Variants in LAMC3 observed in about 807,000 individuals in gnomAD.
LAMC3 encodes laminin subunit gamma-3.
A neutral mutation model predicts 173.8 loss-of-function variants in LAMC3; 128 were observed. The ratio of observed to expected loss-of-function variants is 0.74; its 90% CI spans 0.64 to 0.85. The LOEUF (loss-of-function observed/expected upper bound fraction) is 0.85, where lower values mean the gene tolerates loss of function less well. LAMC3 is among the 40% of genes least tolerant of loss of function. LAMC3 has a pLI of 0.00. For missense variants in LAMC3, 2,022 were observed against 2,156.0 expected, an observed-to-expected ratio of 0.94 and a Z score of 1.23; for synonymous variants, 897 against 909.1, an observed-to-expected ratio of 0.99 and a Z score of 0.24.
chr9:131,009,622 C>G lies in LAMC3; in HGVS notation c.373+35C>G, dbSNP rs1312333764. 2 of 1,551,750 alleles carry G rather than the reference C, an allele frequency of 1.3e-6. No homozygotes were observed. The highest frequency in any genetic ancestry group is 1.7e-6 in the Non-Finnish European group (2 of 1,150,236). On this transcript the variant is annotated intron_variant, in intron 1 of 27. Coordinates refer to ENST00000361069, the MANE Select transcript of LAMC3 (RefSeq NM_006059.4). This position sits in a 1 kb window ranked among gnomAD's most constrained non-coding sequence, Gnocchi z 4.3. ...GGCTGGGGGCACCGCCACCGCACCC[C>G]GTGTCCCCACTCCACTGGGGGTCTG...
At chr9:131,025,464 G>A (rs371843975) in intron 1 of LAMC3, among the ~76,000 whole-genome samples, 5 of 152,118 alleles carry the variant, frequency 3.3e-5, no homozygotes, top group East Asian at 1.9e-4. Flanking sequence ...GCTGGGTGTC[G>A]GGGGCATGTG....
At position 131,019,051 on chromosome 9, in the gene LAMC3, T is replaced by C. The variant is rs527670158; in HGVS notation, c.374-7234T>C. Among the ~76,000 whole-genome samples the C allele has an allele frequency of 3.3e-5, 5 of 152,268 alleles. No individual in the cohort carries two copies. The South Asian group carries it at 1.0e-3, about 32-fold the overall frequency. ...GCCGAGGCAGGCAAATCACTTGAGG[T>C]CAGGAGTTTGAGACTAGCCTGGCCT... On this transcript the variant is annotated intron_variant, in intron 1 of 27. Coordinates refer to ENST00000361069, the MANE Select transcript of LAMC3 (RefSeq NM_006059.4).
chr9:131,015,421 G>C (rs565178136), intron 1 of LAMC3, among the ~76,000 whole-genome samples: 1 of 152,124 alleles, frequency 6.6e-6, no homozygotes, highest in African/African-American at 2.4e-5. Context: ...TTGTCCCCGG[G>C]CAAGCCCTCC....
chr9:131,064,762 G>A (rs114210578), intron 13 of LAMC3, among the ~76,000 whole-genome samples: 2,898 of 150,278 alleles, frequency 0.019, 81 homozygotes, highest in African/African-American at 0.067. Flanking sequence ...GCAGCCGGGC[G>A]TGGTGGCTTA....
intron 8 of LAMC3, among the ~76,000 whole-genome samples, chr9:131,048,257 A>C (rs951479853): frequency 6.6e-6 from 1 of 151,890 alleles, no homozygotes; most frequent in African/African-American, 2.4e-5. Flanking sequence ...GGGTTTCGCC[A>C]TGTTGGCCAG....
intron 9 of LAMC3, among the ~76,000 whole-genome samples, chr9:131,050,537 G>T (rs1043269271): frequency 6.6e-6 from 1 of 152,168 alleles, no homozygotes; most frequent in Non-Finnish European, 1.5e-5. Context: ...GCTGAGGTTG[G>T]GGGGGATCTT....
At position 131,026,511 on chromosome 9, in the gene LAMC3, G is replaced by A. The variant is rs1554782966; in HGVS notation, c.600G>A (p.Leu200=). ...CTGAGTTCAGCGACATCTCCCCGCT[G>A]AGTGGCGGCAACGTGGCCTTCTCCA... is the stretch of plus-strand genomic sequence containing the variant. ...CTSEFSDISP[L]SGGNVAFSTL... The change falls in exon 2 of 28, where the codon CTG becomes CTA. Residue 200 remains leucine, a synonymous_variant. Transcript: ENST00000361069. The surrounding 1 kb of genome is among the most constrained non-coding windows in gnomAD (Gnocchi z 4.8). 1.2e-6 allele frequency: 2 copies of A among 1,612,724 alleles called. No homozygotes were observed. The highest frequency in any genetic ancestry group is 1.7e-6 in the Non-Finnish European group (2 of 1,179,782).
At chr9:131,053,575 C>CT (rs773513258) in intron 11 of LAMC3, among the ~76,000 whole-genome samples, 19 of 152,308 alleles carry the variant, frequency 1.2e-4, no homozygotes, top group Non-Finnish European at 1.0e-4. Flanking sequence ...AAGCTCACGC[C>CT]TGTAATCCCA....
At chr9:131,067,758 C>A (rs10901340) in intron 14 of LAMC3, among the ~76,000 whole-genome samples, 1 of 152,010 alleles carries the variant, frequency 6.6e-6, no homozygotes, top group East Asian at 1.9e-4. Context: ...GTCACGGGAC[C>A]CAGAGCCATG....
chr9:131,036,230 T>TGTCAGCACAACACCACCGGC lies in LAMC3; in HGVS notation c.875_876insTCAGCACAACACCACCGGCG (p.Thr299AlafsTer116). On this transcript the variant is annotated frameshift_variant, in exon 4 of 28. Coordinates refer to ENST00000361069, the MANE Select transcript of LAMC3 (RefSeq NM_006059.4). LOFTEE classifies it high-confidence loss of function. ...CGTGGCAGGCCAGTTGGCCTGCCGGTGCCAGCACAACACCACCGGCACAGA... is the reference window on the plus strand; with the variant it reads ...CGTGGCAGGCCAGTTGGCCTGCCGGTGTCAGCACAACACCACCGGCGCCAGCACAACACCACCGGCACAGA... The TGTCAGCACAACACCACCGGC allele has an allele frequency of 6.2e-7, 1 of 1,613,060 alleles. No homozygotes were observed. The highest frequency in any genetic ancestry group is 8.5e-7 in the Non-Finnish European group (1 of 1,179,862).
chr9:131,039,852 C>T (rs939261885), intron 6 of LAMC3, among the ~76,000 whole-genome samples: 15 of 151,904 alleles, frequency 9.9e-5, no homozygotes, highest in African/African-American at 3.6e-4. Context: ...CATCTGGGTG[C>T]ACCGAGTTTG....
chr9:131,024,129 C>T (rs1465115897), intron 1 of LAMC3, among the ~76,000 whole-genome samples: 3 of 145,114 alleles, frequency 2.1e-5, no homozygotes, highest in Admixed American at 6.9e-5. Context: ...CCTCTGTTTT[C>T]TTCTAAGAAA....
chr9:131,054,764 AAGAG>A (rs908214207), intron 11 of LAMC3, among the ~76,000 whole-genome samples: 1 of 146,298 alleles, frequency 6.8e-6, no homozygotes, highest in Non-Finnish European at 1.5e-5. Flanking sequence ...AAGAAAAAGA[AAGAG>A]AGAGGGGAAG....
intron 6 of LAMC3, among the ~76,000 whole-genome samples, chr9:131,041,243 T>G (rs1478716122): frequency 5.9e-5 from 9 of 152,178 alleles, no homozygotes; most frequent in African/African-American, 1.7e-4. Flanking sequence ...GATGCATGCC[T>G]GTAGTCCTAA....
chr9:131,061,395 A>G (rs1014362895), intron 13 of LAMC3, among the ~76,000 whole-genome samples, 172 bp downstream of exon 13: 1 of 152,174 alleles, frequency 6.6e-6, no homozygotes, highest in African/African-American at 2.4e-5. Context: ...CCTCAGCCCC[A>G]TAGCCAGAGC....
Position 131,087,712 on chromosome 9 carries a change from T to TG in LAMC3, c.4378-5dup. Reference sequence around the variant, plus strand: ...TCAAGCTGTTTCTTCCTCCTCCCCCTGAAAGGTGGGTGCTGGGCTGAGCGA... The same window carrying TG: ...TCAAGCTGTTTCTTCCTCCTCCCCCTGGAAAGGTGGGTGCTGGGCTGAGCGA... On this transcript the variant is annotated splice_region_variant and splice_polypyrimidine_tract_variant and intron_variant, in intron 26 of 27. Coordinates refer to ENST00000361069, the MANE Select transcript of LAMC3 (RefSeq NM_006059.4). 6.2e-7 allele frequency: 1 copy of TG among 1,613,942 alleles called. No individual in the cohort carries two copies. Among genetic ancestry groups the TG allele is most frequent in the Non-Finnish European group, 8.5e-7 (1 of 1,179,858 alleles).
At chr9:131,039,396 C>T in intron 6 of LAMC3, 148 bp downstream of exon 6, 1 of 727,618 alleles carries the variant, frequency 1.4e-6, no homozygotes. Flanking sequence ...AGACACTCAG[C>T]TCCTGGAGAG....
At position 131,032,503 on chromosome 9, in the gene LAMC3, A is replaced by ACTCGCTCTCTCTCTCTTGCTCTCT. The variant is rs1564368262; in HGVS notation, c.809+335_809+358dup. 0.033 allele frequency among the ~76,000 whole-genome samples: 2,228 copies of ACTCGCTCTCTCTCTCTTGCTCTCT among 67,094 alleles called. 49 individuals carry two copies. Among genetic ancestry groups the ACTCGCTCTCTCTCTCTTGCTCTCT allele is most frequent in the African/African-American group, 0.094 (2,108 of 22,528 alleles). 44.0% of individuals were successfully genotyped at this position (67,094 alleles called of 152,430 possible). On this transcript the variant is annotated intron_variant, in intron 3 of 27. Transcript: ENST00000361069. ...CTTTCTCTCGCTCTCGCTCTCTCTC[A>ACTCGCTCTCTCTCTCTTGCTCTCT]CTCGCTCTCTCTCTCTTGCTCTCTC... is the stretch of plus-strand genomic sequence containing the variant.
intron 8 of LAMC3, among the ~76,000 whole-genome samples, chr9:131,048,220 C>T (rs1228877033): frequency 1.3e-5 from 2 of 151,518 alleles, no homozygotes; most frequent in Non-Finnish European, 2.9e-5. Flanking sequence ...CCATGCCTGG[C>T]TAATTTCTGT....
Sources: gnomAD v4.1 joint callset for allele counts (sites outside exome capture counted in the v4.1 genomes callset) on GRCh38, gnomAD v4.1.1 for gene constraint, Gnocchi (gnomAD v3.1) non-coding constraint, MANE v1.5 for transcripts, NCBI Gene and HGNC (gene_info 2026-07-23, HGNC 2026-07-21) for gene names.